Variants in ESRRG observed in about 807,000 individuals in gnomAD.
ESRRG encodes estrogen-related receptor gamma.
In ESRRG, 13 loss-of-function variants were observed where a neutral mutation model predicts 44.0. The observed-to-expected ratio is 0.30, with a 90% confidence interval of 0.19 to 0.47. ESRRG has a LOEUF of 0.47. Ranked by LOEUF, ESRRG falls within the 20% of genes least tolerant of loss-of-function variation. ESRRG has a pLI of 1.00. For missense variants in ESRRG, 395 were observed against 580.6 expected, an observed-to-expected ratio of 0.68 and a Z score of 3.29; for synonymous variants, 215 against 214.6, an observed-to-expected ratio of 1.00 and a Z score of -0.02.
At position 216,952,380 on chromosome 1, in the gene ESRRG, C is replaced by G. The variant is rs143118346; in HGVS notation, c.-105-12707G>C. ...AGGGCAGCGTGGAAACGGGAAGCCA[C>G]AGCCTTACAAGGACAGGATCCCTAA... On this transcript the variant is annotated intron_variant, in intron 1 of 7. Transcript: ENST00000359162. Among the ~76,000 whole-genome samples, 47 of 152,284 alleles carry G rather than the reference C, an allele frequency of 3.1e-4. No individual in the cohort carries two copies. The East Asian group carries it at 8.1e-3, about 26-fold the overall frequency.
chr1:217,051,446 C>T (rs1346142026), intron 1 of ESRRG, among the ~76,000 whole-genome samples: 2 of 152,168 alleles, frequency 1.3e-5, no homozygotes, highest in African/African-American at 4.8e-5. Context: ...CAGGCAAAAA[C>T]TGAGAGGAAG....
At chr1:216,520,615 T>A (rs1180192057) in intron 5 of ESRRG, among the ~76,000 whole-genome samples, 1 of 152,144 alleles carries the variant, frequency 6.6e-6, no homozygotes, top group Non-Finnish European at 1.5e-5. Context: ...AAAAAAGAAA[T>A]GTTTCTTAAA....
chr1:216,908,349 A>T (rs953668017), intron 2 of ESRRG, among the ~76,000 whole-genome samples: 1 of 152,150 alleles, frequency 6.6e-6, no homozygotes, highest in Non-Finnish European at 1.5e-5. Context: ...GAGCATGTCC[A>T]CCTTATGTGT....
intron 6 of ESRRG, among the ~76,000 whole-genome samples, chr1:216,507,410 G>A (rs2041466077): frequency 6.6e-6 from 1 of 152,082 alleles, no homozygotes; most frequent in African/African-American, 2.4e-5. Context: ...AAAGATCTAT[G>A]ATTTAAAATG....
At chr1:216,572,539 A>G (rs2060999476) in intron 3 of ESRRG, among the ~76,000 whole-genome samples, 1 of 152,072 alleles carries the variant, frequency 6.6e-6, no homozygotes, top group Admixed American at 6.6e-5. Context: ...TATTTTCAAC[A>G]TAATTCTATT....
At chr1:216,934,305 G>A (rs372811275) in intron 2 of ESRRG, among the ~76,000 whole-genome samples, 350 of 152,176 alleles carry the variant, frequency 2.3e-3, no homozygotes, top group African/African-American at 6.1e-3. Context: ...GTGGTGGCAG[G>A]GACCTATAAT....
chr1:216,660,575 T>C (rs963270594), intron 2 of ESRRG, among the ~76,000 whole-genome samples: 2 of 152,206 alleles, frequency 1.3e-5, no homozygotes, highest in Non-Finnish European at 2.9e-5. Flanking sequence ...TTGAATGTTG[T>C]TTAGAATATA....
chr1:217,086,571 A>AT, intron 1 of ESRRG, among the ~76,000 whole-genome samples: 1 of 152,370 alleles, frequency 6.6e-6, no homozygotes, highest in African/African-American at 2.4e-5. Flanking sequence ...TAGAGTAGTA[A>AT]GCTTAGTTTA....
chr1:216,714,536 T>C, intron 1 of ESRRG: 3 of 965,882 alleles, frequency 3.1e-6, no homozygotes, highest in Non-Finnish European at 3.7e-6. Context: ...GAAGACAAGA[T>C]AGAAAGCAAG....
chr1:216,632,122 T>C (rs2064329018), intron 3 of ESRRG, among the ~76,000 whole-genome samples: 1 of 152,264 alleles, frequency 6.6e-6, no homozygotes, highest in Admixed American at 6.5e-5. Context: ...AGTGTACTAC[T>C]ATGTCATTTA....
At chr1:217,031,290 C>T (rs931887029) in intron 1 of ESRRG, among the ~76,000 whole-genome samples, 3 of 152,168 alleles carry the variant, frequency 2.0e-5, no homozygotes, top group African/African-American at 2.4e-5. Flanking sequence ...CCCAAGTCTT[C>T]AACACAGTGC....
chr1:216,797,437 G>A (rs549039838), intron 2 of ESRRG, among the ~76,000 whole-genome samples: 1 of 152,136 alleles, frequency 6.6e-6, no homozygotes, highest in East Asian at 1.9e-4. Context: ...ACTATGTTCT[G>A]CAGTACCAGG....
chr1:216,562,007 A>G (rs12565734), intron 5 of ESRRG, among the ~76,000 whole-genome samples: 1 of 152,298 alleles, frequency 6.6e-6, no homozygotes, highest in East Asian at 1.9e-4. Context: ...GAGCCCCTTT[A>G]CTGTGACAAG....
At chr1:216,614,233 G>A (rs780989385) in intron 3 of ESRRG, among the ~76,000 whole-genome samples, 3 of 152,142 alleles carry the variant, frequency 2.0e-5, no homozygotes, top group Non-Finnish European at 4.4e-5. Flanking sequence ...TCCCATTCCC[G>A]CACTTACAGA....
At chr1:216,804,258 A>G (rs998038521) in intron 2 of ESRRG, among the ~76,000 whole-genome samples, 2 of 152,116 alleles carry the variant, frequency 1.3e-5, no homozygotes, top group African/African-American at 4.8e-5. Context: ...AAAGCCTAAC[A>G]ACCCCGGGCC....
intron 1 of ESRRG, among the ~76,000 whole-genome samples, chr1:217,014,351 G>A (rs2079046704): frequency 6.6e-6 from 1 of 152,048 alleles, no homozygotes; most frequent in Admixed American, 6.6e-5. Flanking sequence ...TTTAAAAATA[G>A]TATAAGTGCC....
chr1:216,527,990 C>T (rs2048196197), intron 5 of ESRRG, among the ~76,000 whole-genome samples: 1 of 152,068 alleles, frequency 6.6e-6, no homozygotes, highest in Admixed American at 6.6e-5. Flanking sequence ...ATGTCTCCAG[C>T]TCCTCAAACA....
chr1:217,124,063 C>T (rs895168325), intron 1 of ESRRG, among the ~76,000 whole-genome samples: 1 of 152,154 alleles, frequency 6.6e-6, no homozygotes, highest in African/African-American at 2.4e-5. Flanking sequence ...TAGCACTTTC[C>T]AGATGTTGGT....
intron 5 of ESRRG, among the ~76,000 whole-genome samples, chr1:216,563,183 A>T (rs1240602286): frequency 1.3e-5 from 2 of 152,202 alleles, no homozygotes; most frequent in Non-Finnish European, 2.9e-5. Context: ...AAATTAGTTT[A>T]CAATTTGCTT....
Sources: allele counts gnomAD v4.1 joint callset (sites outside exome capture counted in the v4.1 genomes callset), GRCh38; gene constraint gnomAD v4.1.1; transcripts MANE v1.5; gene names NCBI Gene and HGNC (gene_info 2026-07-23, HGNC 2026-07-21).